The following EBAG9 variants were observed in gnomAD, a reference collection of about 807,000 sequenced individuals.
EBAG9 encodes estrogen receptor binding site associated antigen 9.
EBAG9 carries 16 observed loss-of-function variants against 30.9 expected under a neutral mutation model. The ratio of observed to expected loss-of-function variants is 0.52; its 90% CI spans 0.35 to 0.79. The LOEUF (loss-of-function observed/expected upper bound fraction) is 0.79. Among genes scored for constraint, EBAG9 ranks in the 30% least tolerant of loss-of-function variants. The pLI is 0.01. For missense variants in EBAG9, 197 were observed against 242.1 expected (o/e 0.81, Z 1.24); for synonymous variants, 93 against 82.8 (o/e 1.12, Z -0.67).
chr8:109,561,263 G>A (rs892687268), intron 6 of EBAG9, among the ~76,000 whole-genome samples: 2 of 151,000 alleles, frequency 1.3e-5, no homozygotes, highest in African/African-American at 2.4e-5. Context: ...CATATTACAA[G>A]CTTGATATTC....
chr8:109,562,357 C>A lies in EBAG9; in HGVS notation c.521+1428C>A, dbSNP rs191096535. On this transcript the variant is annotated intron_variant, in intron 6 of 6. Coordinates refer to ENST00000337573, the MANE Select transcript of EBAG9 (RefSeq NM_004215.5). ...ATGTACTTAAAAACTTAATGTTTTACCCTTTAAGGACAGCTTGGGAGAGTG... is the reference window on the plus strand; with the variant it reads ...ATGTACTTAAAAACTTAATGTTTTAACCTTTAAGGACAGCTTGGGAGAGTG... Among the ~76,000 whole-genome samples, 239 of 152,130 alleles carry A rather than the reference C, an allele frequency of 1.6e-3. 2 individuals are homozygous for A. The highest frequency in any genetic ancestry group is 4.8e-3 in the African/African-American group (200 of 41,524).
In EBAG9 at chr8:109,558,656, G is replaced by GT. The variant is rs1821651893; in HGVS notation, c.429+1615dup. Among the ~76,000 whole-genome samples the GT allele has an allele frequency of 2.6e-5, 4 of 152,106 alleles. No homozygotes were observed. The South Asian group carries it at 8.3e-4, about 32-fold the overall frequency. Reference sequence around the variant, plus strand: ...AGAATGTCTCCACTGCTATTTCCACGTATTTTCCTCCCAAGCAGACAGAAT... The same window carrying GT: ...AGAATGTCTCCACTGCTATTTCCACGTTATTTTCCTCCCAAGCAGACAGAAT... On this transcript the variant is annotated intron_variant, in intron 5 of 6. Transcript: ENST00000337573.
chr8:109,564,029 T>C (rs986324180), intron 6 of EBAG9, among the ~76,000 whole-genome samples: 10 of 152,082 alleles, frequency 6.6e-5, no homozygotes, highest in Non-Finnish European at 1.5e-4. Context: ...CAGGAGATTA[T>C]CAAGCTCAAT....
rs1586698176 is a variant in EBAG9 at position 109,565,900 on chromosome 8, G to A, written c.*1341G>A. ...AATGTGATTATAGAATAAGATGAAAGTTAACTTTGGTACAGAGCTTTTTAT... is the reference window on the plus strand; with the variant it reads ...AATGTGATTATAGAATAAGATGAAAATTAACTTTGGTACAGAGCTTTTTAT... On this transcript the variant is annotated 3_prime_UTR_variant, in exon 7 of 7. Transcript: ENST00000337573. 1 of 152,058 alleles carries A rather than the reference G, an allele frequency of 6.6e-6. No homozygotes were observed. The highest frequency in any genetic ancestry group is 2.4e-5 in the African/African-American group (1 of 41,440). 9.4% of individuals were successfully genotyped at this position (152,058 alleles called of 1,614,324 possible).
At chr8:109,564,195 A>G (rs897473186) in intron 6 of EBAG9, among the ~76,000 whole-genome samples, 11 of 152,138 alleles carry the variant, frequency 7.2e-5, no homozygotes, top group African/African-American at 2.7e-4. Context: ...CTTAGCCTTT[A>G]TGCCTCATTT....
chr8:109,556,956 C>T lies in EBAG9; in HGVS notation c.343C>T (p.Pro115Ser), dbSNP rs1261984637. 1.3e-6 allele frequency: 2 copies of T among 1,596,052 alleles called. No homozygotes were observed. Among genetic ancestry groups the T allele is most frequent in the South Asian group, 2.3e-5 (2 of 88,416 alleles). ...TCAGATTGTTATTAAGAAGAGAGAA[C>T]CATTGAATTTTGGCATCCCAGATGG... ...TQKIVIKKRE[P>S]LNFGIPDGST... The change falls in exon 5 of 7, where the codon CCA (proline) becomes TCA (serine). Residue 115 changes from proline to serine, a missense_variant. Physicochemically the swap from Pro to Ser is moderately conservative, Grantham distance 74. Transcript: ENST00000337573.
At chr8:109,560,996 A>G in intron 6 of EBAG9, 67 bp downstream of exon 6, 1 of 1,357,828 alleles carries the variant, frequency 7.4e-7, no homozygotes, top group East Asian at 2.4e-5. Context: ...CTGTGTTTCA[A>G]GTCAAGGGAG....
intron 1 of EBAG9, among the ~76,000 whole-genome samples, chr8:109,547,140 C>T (rs1223305085): frequency 6.6e-6 from 1 of 152,180 alleles, no homozygotes; most frequent in African/African-American, 2.4e-5. Context: ...ATTCTCCTGC[C>T]TCAGCCTTCA....
chr8:109,541,234 C>T (rs182938231), intron 1 of EBAG9, among the ~76,000 whole-genome samples: 2 of 152,098 alleles, frequency 1.3e-5, no homozygotes, highest in East Asian at 1.9e-4. Flanking sequence ...TAACATTGTT[C>T]CGTTCTAGAA....
At position 109,548,740 on chromosome 8, in the gene EBAG9, C is replaced by T. The variant is rs118117858; in HGVS notation, c.-15-2070C>T. On this transcript the variant is annotated intron_variant, in intron 1 of 6. Coordinates refer to ENST00000337573, the MANE Select transcript of EBAG9 (RefSeq NM_004215.5). ...TTTATGCCTATATAAATTTTTTTAA[C>T]GTTTCAATTTCTTATTGATTGTTGT... Among the ~76,000 whole-genome samples, 943 of 151,892 alleles carry T rather than the reference C, an allele frequency of 6.2e-3. 7 individuals carry two copies. The highest frequency in any genetic ancestry group is 0.03 in the South Asian group (143 of 4,820).
At chr8:109,548,873 TTTTTTTC>T (rs909577911) in intron 1 of EBAG9, among the ~76,000 whole-genome samples, 37 of 150,064 alleles carry the variant, frequency 2.5e-4, no homozygotes, top group South Asian at 1.9e-3. Context: ...TTCTTTTCTA[TTTTTTTC>T]TTTTTTCTTT....
rs958009784 is a variant in EBAG9, at chr8:109,565,918, C to A, written c.*1359C>A. ...GATGAAAGTTAACTTTGGTACAGAG[C>A]TTTTTATAGCCCCAAATTATATTTC... On this transcript the variant is annotated 3_prime_UTR_variant, in exon 7 of 7. Coordinates refer to ENST00000337573, the MANE Select transcript of EBAG9 (RefSeq NM_004215.5). 3 of 152,060 alleles carry A rather than the reference C, an allele frequency of 2.0e-5. No homozygotes were observed. The highest frequency in any genetic ancestry group is 2.9e-5 in the Non-Finnish European group (2 of 67,938). The allele number at this position is 152,060 out of a possible 1,614,324, so 9.4% of individuals were successfully genotyped here.
At chr8:109,549,863 A>G (rs1385965479) in intron 1 of EBAG9, among the ~76,000 whole-genome samples, 4 of 152,024 alleles carry the variant, frequency 2.6e-5, no homozygotes, top group African/African-American at 7.2e-5. Flanking sequence ...CTAACATTGA[A>G]ATAGTCACTT....
intron 1 of EBAG9, among the ~76,000 whole-genome samples, chr8:109,544,245 CT>C (rs1459122095): frequency 3.3e-5 from 5 of 152,116 alleles, no homozygotes; most frequent in Non-Finnish European, 5.9e-5. Flanking sequence ...GTTTTATCCG[CT>C]TTTAAGTAAG....
chr8:109,559,159 A>C (rs2131128671), intron 5 of EBAG9, among the ~76,000 whole-genome samples: 1 of 152,320 alleles, frequency 6.6e-6, no homozygotes, highest in African/African-American at 2.4e-5. Flanking sequence ...GCTTGATCTT[A>C]TTAGTGCTCA....
chr8:109,553,272 A>T (rs971457077), intron 2 of EBAG9, among the ~76,000 whole-genome samples: 2 of 152,216 alleles, frequency 1.3e-5, no homozygotes, highest in African/African-American at 4.8e-5. Flanking sequence ...AAAAGTAGGT[A>T]ATTCTAACTA....
rs985849961 is a variant in EBAG9, at chr8:109,556,858, G to C, written c.322-77G>C. 2.0e-5 allele frequency: 13 copies of C among 653,050 alleles called. 1 individual carries two copies. Among genetic ancestry groups the C allele is most frequent in the South Asian group, 1.9e-4 (5 of 25,898 alleles). The allele number at this position is 653,050 out of a possible 1,614,324, so 40.5% of individuals were successfully genotyped here. A position where few individuals can be genotyped will look rare whatever the true frequency, so the allele number is the denominator to read the frequency against. ...TAAGAAGAAATATTTTAAGTAATTAGAAAATGTTTTGGTTGTCTATTTTTA... is the reference window on the plus strand; with the variant it reads ...TAAGAAGAAATATTTTAAGTAATTACAAAATGTTTTGGTTGTCTATTTTTA... On this transcript the variant is annotated intron_variant, in intron 4 of 6. Transcript: ENST00000337573.
At chr8:109,542,964 A>ATT (rs1821307075) in intron 1 of EBAG9, among the ~76,000 whole-genome samples, 1 of 152,108 alleles carries the variant, frequency 6.6e-6, no homozygotes, top group South Asian at 2.1e-4. Context: ...AATAGGAAAG[A>ATT]ATATGGGCAG....
intron 1 of EBAG9, among the ~76,000 whole-genome samples, chr8:109,544,101 C>G (rs1451668587): frequency 6.6e-6 from 1 of 151,044 alleles, no homozygotes; most frequent in African/African-American, 2.4e-5. Context: ...TGATTTTACT[C>G]CTTATGTTTC....
Sources: allele counts gnomAD v4.1 joint callset (sites outside exome capture counted in the v4.1 genomes callset), GRCh38; gene constraint gnomAD v4.1.1; transcripts MANE v1.5; gene names NCBI Gene and HGNC (gene_info 2026-07-23, HGNC 2026-07-21).